PCDH15: variants seen among roughly 807,000 people sequenced by gnomAD.
The protein encoded by PCDH15 is protocadherin-15.
PCDH15 carries 129 observed loss-of-function variants against 178.5 expected under a neutral mutation model. The ratio of observed to expected loss-of-function variants is 0.72; its 90% CI spans 0.63 to 0.84. The LOEUF (loss-of-function observed/expected upper bound fraction) is 0.84. Ranked by LOEUF, PCDH15 falls within the 40% of genes least tolerant of loss-of-function variation. The pLI is 0.00. For missense variants in PCDH15, 2,230 were observed against 2,099.9 expected, an observed-to-expected ratio of 1.06 and a Z score of -1.21; for synonymous variants, 800 against 732.0, an observed-to-expected ratio of 1.09 and a Z score of -1.50.
intron 2 of PCDH15, among the ~76,000 whole-genome samples, chr10:55,386,665 A>G (rs1837667294): frequency 6.6e-6 from 1 of 152,088 alleles, no homozygotes; most frequent in Admixed American, 6.6e-5. Flanking sequence ...CTAGGACTCC[A>G]TCCTACATAA....
At chr10:54,928,272 T>C (rs1837681382) in intron 2 of PCDH15, among the ~76,000 whole-genome samples, 1 of 152,144 alleles carries the variant, frequency 6.6e-6, no homozygotes, top group African/African-American at 2.4e-5. Context: ...CCCCAATCTC[T>C]TCTGACTTTA....
chr10:54,736,327 A>G (rs1944112422), intron 1 of PCDH15, among the ~76,000 whole-genome samples: 1 of 152,112 alleles, frequency 6.6e-6, no homozygotes, highest in Non-Finnish European at 1.5e-5. Context: ...ATGATCAATA[A>G]TCCATTAGAA....
chr10:55,262,924 A>C (rs908264797), intron 1 of PCDH15, among the ~76,000 whole-genome samples: 4 of 152,266 alleles, frequency 2.6e-5, no homozygotes, highest in African/African-American at 9.6e-5. Context: ...TTCAGCTGTA[A>C]ACATTCACCC....
intron 2 of PCDH15, among the ~76,000 whole-genome samples, chr10:54,633,154 G>A (rs2093749303): frequency 6.6e-6 from 1 of 152,060 alleles, no homozygotes; most frequent in Admixed American, 6.6e-5. Context: ...TCTGTGGAAG[G>A]AGTTAAATGA....
chr10:55,532,635 T>C (rs1270778183), intron 2 of PCDH15, among the ~76,000 whole-genome samples: 1 of 152,072 alleles, frequency 6.6e-6, no homozygotes, highest in Non-Finnish European at 1.5e-5. Context: ...AGCAGCTTTG[T>C]GTTCTGGCTG....
At chr10:53,910,558 A>C (rs1218478079) in intron 25 of PCDH15, among the ~76,000 whole-genome samples, 1 of 152,218 alleles carries the variant, frequency 6.6e-6, no homozygotes, top group African/African-American at 2.4e-5. Flanking sequence ...AATGGGAAGA[A>C]ACCAGAGCAG....
At chr10:54,272,484 G>A (rs188624457) in intron 8 of PCDH15, among the ~76,000 whole-genome samples, 271 of 149,192 alleles carry the variant, frequency 1.8e-3, no homozygotes, top group Admixed American at 2.9e-3. Context: ...CAGTGGATAA[G>A]CATGGGAGTA....
At chr10:54,720,770 G>T (rs1476635671) in intron 1 of PCDH15, among the ~76,000 whole-genome samples, 1 of 151,992 alleles carries the variant, frequency 6.6e-6, no homozygotes, top group Non-Finnish European at 1.5e-5. Context: ...TATGAATAGA[G>T]ATAGACAGTT....
At chr10:55,437,443 G>A (rs960553551) in intron 2 of PCDH15, among the ~76,000 whole-genome samples, 6 of 152,136 alleles carry the variant, frequency 3.9e-5, no homozygotes, top group African/African-American at 1.4e-4. Context: ...AAAAGAAAGG[G>A]CTTGGAAAGT....
chr10:54,188,385 G>A (rs1248706027), intron 11 of PCDH15, among the ~76,000 whole-genome samples: 1 of 151,810 alleles, frequency 6.6e-6, no homozygotes, highest in Non-Finnish European at 1.5e-5. Flanking sequence ...TCCAATAGGG[G>A]TAGCAGACTT....
intron 2 of PCDH15, among the ~76,000 whole-genome samples, chr10:54,983,366 A>G (rs1839286953): frequency 6.6e-6 from 1 of 152,136 alleles, no homozygotes; most frequent in African/African-American, 2.4e-5. Flanking sequence ...AAATTGACCA[A>G]TAGTGTGTAA....
intron 18 of PCDH15, among the ~76,000 whole-genome samples, chr10:54,049,296 G>C (rs1448773550): frequency 6.6e-6 from 1 of 152,062 alleles, no homozygotes; most frequent in Non-Finnish European, 1.5e-5. Flanking sequence ...TCTAGGTATA[G>C]AATAATAATT....
chr10:55,353,385 G>T (rs1233818587), intron 2 of PCDH15, among the ~76,000 whole-genome samples: 1 of 152,148 alleles, frequency 6.6e-6, no homozygotes, highest in African/African-American at 2.4e-5. Flanking sequence ...CTACAAAGTG[G>T]CAGAGCTAGG....
chr10:55,193,183 T>A (rs1347788025), intron 1 of PCDH15, among the ~76,000 whole-genome samples: 1 of 151,898 alleles, frequency 6.6e-6, no homozygotes, highest in Non-Finnish European at 1.5e-5. Flanking sequence ...ACGAGTTATG[T>A]CAGAAATTCT....
At chr10:53,911,504 G>T (rs2083084299) in intron 25 of PCDH15, among the ~76,000 whole-genome samples, 2 of 152,160 alleles carry the variant, frequency 1.3e-5, no homozygotes. Context: ...ACAAGAGAAA[G>T]CAGGAAAGAT....
intron 2 of PCDH15, among the ~76,000 whole-genome samples, chr10:55,417,003 A>G (rs1393700181): frequency 1.3e-5 from 2 of 151,830 alleles, no homozygotes; most frequent in Non-Finnish European, 2.9e-5. Flanking sequence ...GTGTCAGTAA[A>G]AGACTTTGTA....
intron 3 of PCDH15, among the ~76,000 whole-genome samples, chr10:54,447,127 A>G (rs961993512): frequency 2.0e-5 from 3 of 151,544 alleles, no homozygotes; most frequent in African/African-American, 7.3e-5. Flanking sequence ...ACTTTTATCT[A>G]TCTCTAAGCG....
intron 1 of PCDH15, among the ~76,000 whole-genome samples, chr10:54,674,515 A>G (rs2094743473): frequency 6.6e-6 from 1 of 152,120 alleles, no homozygotes; most frequent in Admixed American, 6.6e-5. Flanking sequence ...CATTTCACAA[A>G]TATTTCTAAG....
At position 54,074,184 on chromosome 10, in the gene PCDH15, A is replaced by AT. The variant is rs542835273; in HGVS notation, c.2091+5146dup. The stretch of plus-strand genomic sequence containing the variant: ...CCATCTCTTCACTGTCCACCTCTAG[A>AT]TTTTTTTTCTGTATTTGTTTGTACT... On this transcript the variant is annotated intron_variant, in intron 17 of 37. Transcript: ENST00000644397. Among the ~76,000 whole-genome samples the AT allele has an allele frequency of 3.0e-4, 46 of 152,116 alleles. No individual in the cohort carries two copies. The East Asian group carries it at 8.3e-3, about 27-fold the overall frequency.
Sources: gnomAD v4.1 joint callset for allele counts (sites outside exome capture counted in the v4.1 genomes callset) on GRCh38, gnomAD v4.1.1 for gene constraint, MANE v1.5 for transcripts, NCBI Gene and HGNC (gene_info 2026-07-23, HGNC 2026-07-21) for gene names.